Variants in NPAS3 observed in about 807,000 individuals in gnomAD.
NPAS3 encodes neuronal PAS domain protein 3, also known as neuronal PAS domain-containing protein 3.
A neutral mutation model predicts 73.1 loss-of-function variants in NPAS3; 14 were observed. That is an observed-to-expected ratio of 0.19 (90% CI 0.13 to 0.30). NPAS3 has a LOEUF of 0.30. Ranked by LOEUF, NPAS3 falls within the 10% of genes least tolerant of loss-of-function variation. The probability of loss-of-function intolerance (pLI) is 1.00; values close to 1 mark genes in which losing one functional copy is unlikely to be tolerated. For synonymous variants in NPAS3, 620 were observed against 541.5 expected (o/e 1.14, Z -2.01); for missense variants, 1,096 against 1,250.0 (o/e 0.88, Z 1.86).
intron 9 of NPAS3, among the ~76,000 whole-genome samples, chr14:33,786,920 A>G (rs541017254): frequency 6.6e-6 from 1 of 151,246 alleles, no homozygotes; most frequent in Admixed American, 6.6e-5. Context: ...CCCAGTGACT[A>G]GCACAGAGTA....
chr14:32,995,792 CT>C lies in NPAS3; in HGVS notation c.50+56429del, dbSNP rs563887581. 2.5e-3 allele frequency among the ~76,000 whole-genome samples: 385 copies of C among 152,332 alleles called. 5 individuals carry two copies. The highest frequency in any genetic ancestry group is 0.014 in the Middle Eastern group (4 of 294). ...GAACTGTGAGTTCTCCATTAAACCT[CT>C]TTCCTTTGTAAATTGTCCAGTCGGG... On this transcript the variant is annotated intron_variant, in intron 1 of 11. Coordinates refer to ENST00000356141, the Ensembl canonical transcript of NPAS3.
intron 2 of NPAS3, among the ~76,000 whole-genome samples, chr14:33,146,484 CA>C (rs1196309024): frequency 6.6e-6 from 1 of 152,184 alleles, no homozygotes; most frequent in Non-Finnish European, 1.5e-5. Flanking sequence ...ATTTCTTACT[CA>C]GTATTCATTT....
At chr14:32,935,103 A>T, upstream of NPAS3, 1 of 560,842 alleles carries the variant, frequency 1.8e-6, no homozygotes, top group Admixed American at 5.5e-5. Flanking sequence ...ACACATGCAC[A>T]TTGCCAGGGC....
chr14:33,107,716 T>A (rs1275086029), intron 2 of NPAS3, among the ~76,000 whole-genome samples: 1 of 152,152 alleles, frequency 6.6e-6, no homozygotes, highest in Admixed American at 6.6e-5. Context: ...AGAAAAAACA[T>A]ATTTTCTACA....
chr14:33,738,201 A>C (rs2061570565), intron 7 of NPAS3, among the ~76,000 whole-genome samples: 1 of 152,102 alleles, frequency 6.6e-6, no homozygotes, highest in Non-Finnish European at 1.5e-5. Context: ...CAGGTGATGA[A>C]ACTGAGGTCT....
At position 33,543,351 on chromosome 14, in the gene NPAS3, T is replaced by A. The variant is rs149964276; in HGVS notation, c.469-16770T>A. On this transcript the variant is annotated intron_variant, in intron 4 of 11. Transcript: ENST00000356141. ...AAGTAGAAACTTAGCAATAGAAGTATGTTGCTATTGCTATCTTTACTGTTT... is the reference window on the plus strand; with the variant it reads ...AAGTAGAAACTTAGCAATAGAAGTAAGTTGCTATTGCTATCTTTACTGTTT... Among the ~76,000 whole-genome samples, 41 of 152,336 alleles carry A rather than the reference T, an allele frequency of 2.7e-4. No individual in the cohort carries two copies. In the East Asian group the frequency reaches 7.3e-3, roughly 27 times the overall value.
chr14:33,510,597 T>A (rs983568497), intron 4 of NPAS3, among the ~76,000 whole-genome samples: 3 of 151,986 alleles, frequency 2.0e-5, no homozygotes, highest in Non-Finnish European at 2.9e-5. Context: ...GTGTTAATAA[T>A]GCCATTGGCT....
chr14:33,046,979 A>G (rs2040530968), intron 1 of NPAS3, among the ~76,000 whole-genome samples: 1 of 152,150 alleles, frequency 6.6e-6, no homozygotes, highest in Non-Finnish European at 1.5e-5. Flanking sequence ...ATCTTAAAAA[A>G]TAAAAAAAGA....
chr14:33,149,068 A>T (rs1053792874), intron 2 of NPAS3, among the ~76,000 whole-genome samples: 51 of 152,304 alleles, frequency 3.3e-4, no homozygotes, highest in African/African-American at 1.1e-3. Flanking sequence ...GTGAGTACTG[A>T]TGTGTTAGTT....
intron 3 of NPAS3, among the ~76,000 whole-genome samples, chr14:33,300,805 G>C (rs1017294144): frequency 3.3e-5 from 5 of 152,126 alleles, no homozygotes; most frequent in Non-Finnish European, 7.4e-5. Flanking sequence ...ACATCTGTTA[G>C]GGACCGTATC....
At chr14:33,542,135 G>A (rs1316776792) in intron 4 of NPAS3, among the ~76,000 whole-genome samples, 1 of 152,074 alleles carries the variant, frequency 6.6e-6, no homozygotes, top group South Asian at 2.1e-4. Context: ...AACTCTTCAT[G>A]GCTTTCTCCT....
At chr14:32,977,919 G>A (rs2037753161) in intron 1 of NPAS3, among the ~76,000 whole-genome samples, 1 of 151,958 alleles carries the variant, frequency 6.6e-6, no homozygotes, top group African/African-American at 2.4e-5. Flanking sequence ...CATAGGTCTG[G>A]GTAATTTGAA....
intron 3 of NPAS3, among the ~76,000 whole-genome samples, chr14:33,356,078 G>T (rs747053621): frequency 5.9e-5 from 9 of 152,136 alleles, no homozygotes; most frequent in Admixed American, 2.0e-4. Flanking sequence ...ACAGTGCCTG[G>T]CACTGGGTAA....
intron 3 of NPAS3, among the ~76,000 whole-genome samples, chr14:33,273,124 G>T (rs963226736): frequency 1.3e-5 from 2 of 152,158 alleles, no homozygotes; most frequent in Admixed American, 1.3e-4. Flanking sequence ...GGTCTGCACA[G>T]TGTGTGGCTT....
At chr14:33,327,055 G>A (rs1417644271) in intron 3 of NPAS3, among the ~76,000 whole-genome samples, 2 of 151,836 alleles carry the variant, frequency 1.3e-5, no homozygotes, top group African/African-American at 2.4e-5. Context: ...TTTTTTTCTG[G>A]GCAAGCTGAT....
At chr14:33,294,123 T>C (rs1206333930) in intron 3 of NPAS3, among the ~76,000 whole-genome samples, 1 of 152,130 alleles carries the variant, frequency 6.6e-6, no homozygotes, top group East Asian at 1.9e-4. Context: ...GCTGGGATGG[T>C]CTATGGAAAG....
chr14:33,800,407 G>T lies in NPAS3; in HGVS notation c.2100G>T (p.Gly700=). 1 of 1,601,264 alleles carries T rather than the reference G, an allele frequency of 6.2e-7. No homozygotes were observed. Among genetic ancestry groups the T allele is most frequent in the Admixed American group, 1.7e-5 (1 of 58,162 alleles). Reference sequence around the variant, plus strand: ...CGTCCCCGCAGGGCGGCGGCGGTGGGGGTGGCGGTGGCGGGGGGCTGCACG... The same window carrying T: ...CGTCCCCGCAGGGCGGCGGCGGTGGTGGTGGCGGTGGCGGGGGGCTGCACG... Residue 700 remains glycine, a synonymous_variant, in exon 12 of 12, where the codon GGG becomes GGT. Transcript: ENST00000356141. This position sits in a 1 kb window ranked among gnomAD's most constrained non-coding sequence, Gnocchi z 6.5.
chr14:33,438,497 A>G (rs2049091044), intron 4 of NPAS3, among the ~76,000 whole-genome samples: 1 of 152,234 alleles, frequency 6.6e-6, no homozygotes, highest in African/African-American at 2.4e-5. Context: ...CTGAATTGCA[A>G]GGCTGAATCA....
At chr14:33,602,636 TC>T (rs2057435541) in intron 5 of NPAS3, among the ~76,000 whole-genome samples, 1 of 152,212 alleles carries the variant, frequency 6.6e-6, no homozygotes, top group South Asian at 2.1e-4. Context: ...AGTTTTTTTT[TC>T]ATCCAGTGCT....
Sources: gnomAD v4.1 joint callset for allele counts (sites outside exome capture counted in the v4.1 genomes callset) on GRCh38, gnomAD v4.1.1 for gene constraint, Gnocchi (gnomAD v3.1) non-coding constraint, MANE v1.5 for transcripts, NCBI Gene and HGNC (gene_info 2026-07-23, HGNC 2026-07-21) for gene names.